Variants in TAS2R1 observed in about 807,000 individuals in gnomAD.
TAS2R1 encodes taste receptor type 2 member 1.
For missense variants in TAS2R1, 370 were observed against 353.4 expected, an observed-to-expected ratio of 1.05 and a Z score of -0.38; for synonymous variants, 141 against 134.2, an observed-to-expected ratio of 1.05 and a Z score of -0.35.
rs1313419495 is a variant in TAS2R1 at position 9,640,008 on chromosome 5, T to C, written c.-80-10016A>G. ...TTCTTCAAACAGTTTTCCTTTGCAT[T>C]CACAACCTAAGCATTTGGCCTATCA... On this transcript the variant is annotated intron_variant, in intron 2 of 2. Transcript: ENST00000506620. Among the ~76,000 whole-genome samples the C allele has an allele frequency of 2.0e-5, 3 of 152,198 alleles. No individual in the cohort carries two copies. In the East Asian group the frequency reaches 5.8e-4, roughly 29 times the overall value.
intron 1 of TAS2R1, among the ~76,000 whole-genome samples, chr5:9,702,298 G>A (rs1741504789): frequency 6.6e-6 from 1 of 152,144 alleles, no homozygotes; most frequent in Non-Finnish European, 1.5e-5. Flanking sequence ...CTGAACCAGG[G>A]AAAATTTTGC....
chr5:9,654,389 C>A (rs1740368327), intron 2 of TAS2R1, among the ~76,000 whole-genome samples: 1 of 151,950 alleles, frequency 6.6e-6, no homozygotes, highest in Admixed American at 6.6e-5. Flanking sequence ...CATTCCTTTA[C>A]TTATAAAAAA....
At chr5:9,794,875 T>G in the TAS2R1 span, among the ~76,000 whole-genome samples, 1 of 152,204 alleles carries the variant, frequency 6.6e-6, no homozygotes, top group African/African-American at 2.4e-5. Flanking sequence ...CAAACTTGAA[T>G]CCATTCAACC....
intron 1 of TAS2R1, among the ~76,000 whole-genome samples, chr5:9,698,266 T>C (rs758079016): frequency 4.6e-5 from 7 of 152,200 alleles, no homozygotes; most frequent in Non-Finnish European, 1.0e-4. Flanking sequence ...CCAATGTATT[T>C]TTTCCTGGAA....
chr5:9,809,262 T>G, the TAS2R1 span, among the ~76,000 whole-genome samples: 2 of 152,184 alleles, frequency 1.3e-5, no homozygotes, highest in Non-Finnish European at 2.9e-5. Context: ...ATAGAATACA[T>G]GTCTTTTGCA....
At chr5:9,829,935 T>C in the TAS2R1 span, among the ~76,000 whole-genome samples, 1 of 152,194 alleles carries the variant, frequency 6.6e-6, no homozygotes, top group East Asian at 1.9e-4. Flanking sequence ...TGCCTAGTCA[T>C]TCCTCTAAGA....
At chr5:9,726,167 A>T in the TAS2R1 span, among the ~76,000 whole-genome samples, 1 of 152,014 alleles carries the variant, frequency 6.6e-6, no homozygotes, top group Non-Finnish European at 1.5e-5. Flanking sequence ...TTGTGAACAC[A>T]CCAATCAGCA....
the TAS2R1 span, among the ~76,000 whole-genome samples, chr5:9,743,889 AT>A: frequency 4.6e-5 from 7 of 152,220 alleles, no homozygotes; most frequent in African/African-American, 1.7e-4. Context: ...TTATTAGTGT[AT>A]TTTTATGTTT....
the TAS2R1 span, among the ~76,000 whole-genome samples, chr5:9,726,466 CTG>C: frequency 2.0e-5 from 3 of 152,156 alleles, no homozygotes; most frequent in African/African-American, 7.2e-5. Context: ...CCCTTCCACA[CTG>C]TGGAAGCTTA....
chr5:9,840,151 C>T, the TAS2R1 span, among the ~76,000 whole-genome samples: 2 of 152,140 alleles, frequency 1.3e-5, no homozygotes, highest in African/African-American at 2.4e-5. Flanking sequence ...TTGATTACAT[C>T]AATGTGAGCT....
At chr5:9,801,996 C>T in the TAS2R1 span, among the ~76,000 whole-genome samples, 1 of 152,094 alleles carries the variant, frequency 6.6e-6, no homozygotes, top group African/African-American at 2.4e-5. Flanking sequence ...GCTCTATGGC[C>T]CTGCCAACTG....
chr5:9,698,335 T>C (rs79430219), intron 1 of TAS2R1, among the ~76,000 whole-genome samples: 2,622 of 152,260 alleles, frequency 0.017, 83 homozygotes, highest in African/African-American at 0.059. Flanking sequence ...CTTAGGTATT[T>C]TGTATTAATA....
chr5:9,630,058 A>T lies in TAS2R1; in HGVS notation c.-26T>A. ...TTTAGGAATAAAAAATTATTTACTT[A>T]AAAAATAATGAAGTTATAAAGTTTT... On this transcript the variant is annotated 5_prime_UTR_variant, in exon 1 of 1. Transcript: ENST00000382492. 6.6e-7 allele frequency: 1 copy of T among 1,512,270 alleles called. No individual in the cohort carries two copies. Among genetic ancestry groups the T allele is most frequent in the Admixed American group, 2.3e-5 (1 of 44,292 alleles). The allele number at this position is 1,512,270 out of a possible 1,614,324, so 93.7% of individuals were successfully genotyped here.
rs570852355 is a variant in TAS2R1 at position 9,650,437 on chromosome 5, TAC to T, written c.-81+8982_-81+8983del. ...TATGTAGGACGGACAGACCCATTTC[TAC>T]AGTGTTACCTGGATTCTCTATGTAG... On this transcript the variant is annotated intron_variant, in intron 2 of 2. Transcript: ENST00000506620. 3.0e-3 allele frequency among the ~76,000 whole-genome samples: 455 copies of T among 152,236 alleles called. 1 individual carries two copies. Among genetic ancestry groups the T allele is most frequent in the Non-Finnish European group, 4.4e-3 (298 of 68,000 alleles).
the TAS2R1 span, among the ~76,000 whole-genome samples, chr5:9,755,105 T>C: frequency 6.6e-6 from 1 of 152,156 alleles, no homozygotes; most frequent in African/African-American, 2.4e-5. Flanking sequence ...ATTAGCCCAA[T>C]TCGGTATACC....
intron 1 of TAS2R1, among the ~76,000 whole-genome samples, chr5:9,687,887 A>G (rs906080190): frequency 2.6e-5 from 4 of 152,204 alleles, no homozygotes; most frequent in African/African-American, 4.8e-5. Context: ...AAGACATTGT[A>G]TAAGCTTCTG....
At chr5:9,719,982 T>C in the TAS2R1 span, among the ~76,000 whole-genome samples, 3 of 151,800 alleles carry the variant, frequency 2.0e-5, no homozygotes, top group Non-Finnish European at 4.4e-5. Context: ...TTTCTTTTCT[T>C]GCCTTCATGA....
chr5:9,782,841 CT>C, the TAS2R1 span, among the ~76,000 whole-genome samples: 23 of 152,174 alleles, frequency 1.5e-4, no homozygotes, highest in Admixed American at 1.2e-3. Context: ...TGATTCTTAT[CT>C]GAAAACCAAT....
At chr5:9,761,681 A>C in the TAS2R1 span, among the ~76,000 whole-genome samples, 5 of 151,698 alleles carry the variant, frequency 3.3e-5, no homozygotes, top group Non-Finnish European at 5.9e-5. Flanking sequence ...CCAGCAGGCT[A>C]TGATCCTCTG....
Sources: gnomAD v4.1 joint callset for allele counts (sites outside exome capture counted in the v4.1 genomes callset) on GRCh38, gnomAD v4.1.1 for gene constraint, MANE v1.5 for transcripts, NCBI Gene and HGNC (gene_info 2026-07-23, HGNC 2026-07-21) for gene names.